Variants in TMEM132B observed in about 807,000 individuals in gnomAD.
The protein encoded by TMEM132B is transmembrane protein 132B.
TMEM132B carries 18 observed loss-of-function variants against 90.8 expected under a neutral mutation model. The ratio of observed to expected loss-of-function variants is 0.20; its 90% CI spans 0.14 to 0.29. The LOEUF is 0.29. Among genes scored for constraint, TMEM132B ranks in the 10% least tolerant of loss-of-function variants. The pLI is 1.00. For synonymous variants in TMEM132B, 504 were observed against 523.3 expected, an observed-to-expected ratio of 0.96 and a Z score of 0.50; for missense variants, 1,096 against 1,326.8, an observed-to-expected ratio of 0.83 and a Z score of 2.70.
At chr12:125,261,543 T>C (rs1874568004) in intron 1 of TMEM132B, among the ~76,000 whole-genome samples, 2 of 152,236 alleles carry the variant, frequency 1.3e-5, no homozygotes, top group Admixed American at 1.3e-4. Context: ...CCATATTTCC[T>C]ATACCCCAAA....
At chr12:125,350,546 G>A (rs1158403832) in intron 2 of TMEM132B, among the ~76,000 whole-genome samples, 2 of 152,242 alleles carry the variant, frequency 1.3e-5, no homozygotes, top group Non-Finnish European at 2.9e-5. Context: ...TTTATGATCT[G>A]TGTGTTTTAA....
chr12:125,227,649 CAT>C (rs1482361852), intron 1 of TMEM132B, among the ~76,000 whole-genome samples: 1 of 152,194 alleles, frequency 6.6e-6, no homozygotes, highest in African/African-American at 2.4e-5. Context: ...CTCAGGATCA[CAT>C]AGAATCAGCA....
At chr12:125,474,056 T>C (rs1481131616) in intron 3 of TMEM132B, among the ~76,000 whole-genome samples, 1 of 129,402 alleles carries the variant, frequency 7.7e-6, no homozygotes, top group Admixed American at 8.5e-5. Flanking sequence ...CCTTCTTTCT[T>C]TTTCCTTTCC....
rs1043800339 is a variant in TMEM132B at position 125,445,998 on chromosome 12, G to C, written c.1106+30321G>C. 2.6e-5 allele frequency among the ~76,000 whole-genome samples: 4 copies of C among 152,126 alleles called. No homozygotes were observed. The highest frequency in any genetic ancestry group is 4.4e-5 in the Non-Finnish European group (3 of 68,024). ...CTGCTATCCTGGGGGCTGCAACCTC[G>C]CTTTCTCCAACAAAGTCTGAATCCC... On this transcript the variant is annotated intron_variant, in intron 3 of 8. Transcript: ENST00000682704. The surrounding 1 kb of genome is among the most constrained non-coding windows in gnomAD (Gnocchi z 4.3).
At chr12:125,601,594 A>G (rs866656428) in intron 5 of TMEM132B, among the ~76,000 whole-genome samples, 13 of 152,198 alleles carry the variant, frequency 8.5e-5, no homozygotes, top group Admixed American at 2.6e-4. Flanking sequence ...AGCTAGCAGA[A>G]GACAAGAAAT....
chr12:125,275,551 T>A (rs1874964283), intron 1 of TMEM132B, among the ~76,000 whole-genome samples: 1 of 152,130 alleles, frequency 6.6e-6, no homozygotes, highest in South Asian at 2.1e-4. Flanking sequence ...GAGAGTTTCT[T>A]TGAATGAAGA....
At chr12:125,465,782 G>T (rs1444983162) in intron 3 of TMEM132B, among the ~76,000 whole-genome samples, 1 of 152,242 alleles carries the variant, frequency 6.6e-6, no homozygotes, top group Non-Finnish European at 1.5e-5. Flanking sequence ...CACTTGGTCA[G>T]TCATTTTATA....
intron 1 of TMEM132B, among the ~76,000 whole-genome samples, chr12:125,270,306 T>TA (rs1234123973): frequency 2.0e-5 from 3 of 152,070 alleles, no homozygotes; most frequent in Non-Finnish European, 4.4e-5. Context: ...CCTACCCTGC[T>TA]AAGTTTTATT....
chr12:125,590,014 C>A (rs1885281010), intron 5 of TMEM132B, among the ~76,000 whole-genome samples: 1 of 152,002 alleles, frequency 6.6e-6, no homozygotes, highest in South Asian at 2.1e-4. Context: ...AGTGCTGTCC[C>A]CTTGGTGATG....
intron 5 of TMEM132B, among the ~76,000 whole-genome samples, chr12:125,627,798 C>T (rs938670342): frequency 6.6e-5 from 10 of 152,096 alleles, no homozygotes; most frequent in Admixed American, 3.3e-4. Context: ...TAACCATCCC[C>T]ACCTCCCCCA....
intron 4 of TMEM132B, among the ~76,000 whole-genome samples, chr12:125,576,171 G>C (rs2136845589): frequency 6.6e-6 from 1 of 152,080 alleles, no homozygotes; most frequent in Non-Finnish European, 1.5e-5. Flanking sequence ...AATACTTTGT[G>C]AGACATTTAA....
At chr12:125,482,495 C>G (rs1242972233) in intron 3 of TMEM132B, among the ~76,000 whole-genome samples, 2 of 152,156 alleles carry the variant, frequency 1.3e-5, no homozygotes, top group Non-Finnish European at 2.9e-5. Context: ...CCAACAGACA[C>G]ATGGAAAAAT....
chr12:125,602,061 T>C (rs948072699), intron 5 of TMEM132B, among the ~76,000 whole-genome samples: 1 of 152,236 alleles, frequency 6.6e-6, no homozygotes, highest in Admixed American at 6.5e-5. Flanking sequence ...CCATTCCTTC[T>C]GAAACTATTC....
chr12:125,607,069 C>T (rs1885714093), intron 5 of TMEM132B, among the ~76,000 whole-genome samples: 1 of 152,128 alleles, frequency 6.6e-6, no homozygotes, highest in Non-Finnish European at 1.5e-5. Flanking sequence ...TAGTCTCTTG[C>T]AGGGTGAGCT....
intron 3 of TMEM132B, among the ~76,000 whole-genome samples, chr12:125,461,261 A>G (rs1414714233): frequency 1.3e-5 from 2 of 152,172 alleles, no homozygotes; most frequent in African/African-American, 4.8e-5. Flanking sequence ...TGGAAGGAGG[A>G]GATTCTCAGA....
intron 3 of TMEM132B, among the ~76,000 whole-genome samples, chr12:125,444,292 C>T (rs1241762048): frequency 1.3e-5 from 2 of 151,984 alleles, no homozygotes; most frequent in Admixed American, 1.3e-4. Context: ...TAACATTTTC[C>T]CCCTACTTCC....
chr12:125,191,866 A>G (rs746631727), intron 1 of TMEM132B, among the ~76,000 whole-genome samples: 1 of 152,126 alleles, frequency 6.6e-6, no homozygotes, highest in Non-Finnish European at 1.5e-5. Context: ...CCATCTGTAA[A>G]ATGGGCCCCA....
intron 5 of TMEM132B, among the ~76,000 whole-genome samples, chr12:125,607,752 T>C (rs1885731234): frequency 6.6e-6 from 1 of 152,208 alleles, no homozygotes; most frequent in Non-Finnish European, 1.5e-5. Context: ...TTAGCAACTA[T>C]TCCTCATTTT....
At chr12:125,653,039 C>G (rs1593048074) in intron 8 of TMEM132B, among the ~76,000 whole-genome samples, 1 of 152,220 alleles carries the variant, frequency 6.6e-6, no homozygotes, top group Non-Finnish European at 1.5e-5. Context: ...ATGGTCAACT[C>G]TAAAACGTCC....
Sources: gnomAD v4.1 joint callset for allele counts (sites outside exome capture counted in the v4.1 genomes callset) on GRCh38, gnomAD v4.1.1 for gene constraint, Gnocchi (gnomAD v3.1) non-coding constraint, MANE v1.5 for transcripts, NCBI Gene and HGNC (gene_info 2026-07-23, HGNC 2026-07-21) for gene names.